INPP4B: variants seen among roughly 807,000 people sequenced by gnomAD.
INPP4B encodes inositol polyphosphate 4-phosphatase type II.
A neutral mutation model predicts 122.5 loss-of-function variants in INPP4B; 55 were observed. The observed-to-expected ratio is 0.45, with a 90% CI of 0.36 to 0.56. INPP4B has a LOEUF of 0.56. Among genes scored for constraint, INPP4B ranks in the 20% least tolerant of loss-of-function variants. The probability of loss-of-function intolerance (pLI) is 0.00; values close to 1 mark genes in which losing one functional copy is unlikely to be tolerated. For synonymous variants in INPP4B, 403 were observed against 388.7 expected, an observed-to-expected ratio of 1.04 and a Z score of -0.43; for missense variants, 1,000 against 1,097.7, an observed-to-expected ratio of 0.91 and a Z score of 1.26.
At chr4:142,240,031 A>C (rs1390955265) in intron 11 of INPP4B, among the ~76,000 whole-genome samples, 2 of 149,944 alleles carry the variant, frequency 1.3e-5, no homozygotes, top group Non-Finnish European at 3.0e-5. Context: ...TCCTTTGTTG[A>C]TCTCAAAACG....
chr4:142,570,766 T>A (rs1360822324), intron 2 of INPP4B, among the ~76,000 whole-genome samples: 4 of 152,024 alleles, frequency 2.6e-5, no homozygotes, highest in African/African-American at 9.7e-5. Context: ...ATTGCATACC[T>A]GTAGCACACC....
intron 2 of INPP4B, among the ~76,000 whole-genome samples, chr4:142,558,780 G>C (rs1729781924): frequency 1.8e-5 from 2 of 108,186 alleles, no homozygotes; most frequent in Non-Finnish European, 3.5e-5. Context: ...GGGCGACAGA[G>C]CAAGACTCCC....
chr4:142,199,093 A>C (rs1839625115), intron 14 of INPP4B, among the ~76,000 whole-genome samples: 1 of 152,092 alleles, frequency 6.6e-6, no homozygotes, highest in African/African-American at 2.4e-5. Context: ...TAGTTAATTT[A>C]CTTTCTTCTC....
intron 2 of INPP4B, among the ~76,000 whole-genome samples, chr4:142,681,741 T>C (rs938471221): frequency 1.2e-4 from 18 of 151,802 alleles, no homozygotes; most frequent in African/African-American, 4.4e-4. Flanking sequence ...ATGTTAATAG[T>C]GGAAGAATAA....
chr4:142,305,434 A>G (rs1762978132), intron 9 of INPP4B, 24 bp downstream of exon 9: 2 of 1,554,094 alleles, frequency 1.3e-6, no homozygotes, highest in South Asian at 1.1e-5. Context: ...CTTTAACAGT[A>G]TTTCTACAAA....
At chr4:142,403,946 A>G (rs2149172694) in intron 6 of INPP4B, among the ~76,000 whole-genome samples, 1 of 152,328 alleles carries the variant, frequency 6.6e-6, no homozygotes, top group Non-Finnish European at 1.5e-5. Context: ...AAGATGGTAA[A>G]TTTTATAATA....
chr4:142,371,385 C>T (rs1015321960), intron 7 of INPP4B, among the ~76,000 whole-genome samples: 1 of 152,098 alleles, frequency 6.6e-6, no homozygotes, highest in African/African-American at 2.4e-5. Flanking sequence ...ATGGCTAACA[C>T]TTCAAAAGCA....
At chr4:142,614,400 G>C (rs1482409175) in intron 2 of INPP4B, among the ~76,000 whole-genome samples, 1 of 152,030 alleles carries the variant, frequency 6.6e-6, no homozygotes, top group East Asian at 1.9e-4. Context: ...ACTAAAGATA[G>C]ATTAAAAACC....
In INPP4B at chr4:142,368,351, C is replaced by T. The variant is rs369857740; in HGVS notation, c.372+34587G>A. On this transcript the variant is annotated intron_variant, in intron 7 of 25. Transcript: ENST00000262992. The stretch of plus-strand genomic sequence containing the variant: ...ATGAAAAATTCAGTGTCTCTAAAAC[C>T]AAATAATAATTTCATTTTCTTCCAA... 3.3e-5 allele frequency among the ~76,000 whole-genome samples: 5 copies of T among 151,908 alleles called. No individual in the cohort carries two copies. In the East Asian group the frequency reaches 7.7e-4, roughly 24 times the overall value.
At chr4:142,493,363 C>A (rs1051115078) in intron 2 of INPP4B, among the ~76,000 whole-genome samples, 6 of 152,140 alleles carry the variant, frequency 3.9e-5, no homozygotes, top group Non-Finnish European at 7.4e-5. Context: ...ATCCTCCAGA[C>A]CCCAGAATGG....
chr4:142,034,136 T>A (rs552731409), intron 25 of INPP4B, among the ~76,000 whole-genome samples: 1 of 152,368 alleles, frequency 6.6e-6, no homozygotes, highest in African/African-American at 2.4e-5. Context: ...AGACTCTCTC[T>A]ATATGTACAT....
rs570896972 is a variant in INPP4B at position 142,708,039 on chromosome 4, C to T, written c.-191+17800G>A. On this transcript the variant is annotated intron_variant, in intron 2 of 25. Coordinates refer to ENST00000262992, the MANE Select transcript of INPP4B (RefSeq NM_001101669.3). ...TGGAGCAGAGGCCACTTTTGTTATG[C>T]GTTAGCAAAGAGGTTGGAGGCATTG... 3.3e-5 allele frequency among the ~76,000 whole-genome samples: 5 copies of T among 152,228 alleles called. No homozygotes were observed. The South Asian group carries it at 1.0e-3, about 32-fold the overall frequency.
At chr4:142,211,819 T>C (rs1490261511) in intron 12 of INPP4B, among the ~76,000 whole-genome samples, 1 of 152,208 alleles carries the variant, frequency 6.6e-6, no homozygotes. Flanking sequence ...AATACTCTAA[T>C]GGAGATAGAA....
At chr4:142,244,876 C>T (rs1339795571) in intron 11 of INPP4B, among the ~76,000 whole-genome samples, 1 of 152,176 alleles carries the variant, frequency 6.6e-6, no homozygotes, top group East Asian at 1.9e-4. Context: ...TTCTCCACAT[C>T]CTCTCCAGCA....
At chr4:142,123,090 T>C (rs566308607) in intron 20 of INPP4B, among the ~76,000 whole-genome samples, 5 of 152,276 alleles carry the variant, frequency 3.3e-5, no homozygotes, top group Middle Eastern at 3.4e-3. Context: ...CACTCTGAAA[T>C]AATCTATAAT....
chr4:142,428,453 G>C (rs1186227569), intron 5 of INPP4B, among the ~76,000 whole-genome samples: 4 of 146,828 alleles, frequency 2.7e-5, no homozygotes, highest in South Asian at 2.1e-4. Context: ...AAAAAAAAAA[G>C]ACCAGTCTAT....
chr4:142,529,681 G>A (rs1827352873), intron 2 of INPP4B, among the ~76,000 whole-genome samples: 1 of 151,946 alleles, frequency 6.6e-6, no homozygotes, highest in Admixed American at 6.6e-5. Flanking sequence ...TATTAAGAGT[G>A]TAAAAAAGGG....
intron 2 of INPP4B, among the ~76,000 whole-genome samples, chr4:142,686,677 C>A (rs974991139): frequency 6.6e-5 from 10 of 152,090 alleles, no homozygotes; most frequent in African/African-American, 1.9e-4. Context: ...TTCTACAGTA[C>A]AAAATGCATT....
chr4:142,099,887 C>A (rs1233040015), intron 23 of INPP4B, among the ~76,000 whole-genome samples: 1 of 152,098 alleles, frequency 6.6e-6, no homozygotes, highest in African/African-American at 2.4e-5. Context: ...GAGTACAATG[C>A]AGTGCAAAAA....
Sources: gnomAD v4.1 joint callset for allele counts (sites outside exome capture counted in the v4.1 genomes callset) on GRCh38, gnomAD v4.1.1 for gene constraint, MANE v1.5 for transcripts, NCBI Gene and HGNC (gene_info 2026-07-23, HGNC 2026-07-21) for gene names.